Variants in JAK2 observed in about 807,000 individuals in gnomAD.
JAK2 encodes Janus kinase 2.
JAK2 carries 86 observed loss-of-function variants against 139.3 expected under a neutral mutation model. That is an observed-to-expected ratio of 0.62 (90% CI 0.52 to 0.74). The LOEUF (loss-of-function observed/expected upper bound fraction) is 0.74. Among genes scored for constraint, JAK2 ranks in the 30% least tolerant of loss-of-function variants. The pLI is 0.00. For missense variants in JAK2, 1,421 were observed against 1,360.3 expected, an observed-to-expected ratio of 1.04 and a Z score of -0.70; for synonymous variants, 490 against 437.7, an observed-to-expected ratio of 1.12 and a Z score of -1.49.
intron 4 of JAK2, among the ~76,000 whole-genome samples, chr9:5,040,781 T>TG (rs1816429476): frequency 6.6e-6 from 1 of 152,312 alleles, no homozygotes; most frequent in East Asian, 1.9e-4. Context: ...GCCCTTAACA[T>TG]GCGGTGGCTG....
At chr9:5,034,857 G>C (rs887569798) in intron 4 of JAK2, among the ~76,000 whole-genome samples, 1 of 152,144 alleles carries the variant, frequency 6.6e-6, no homozygotes, top group African/African-American at 2.4e-5. Flanking sequence ...ACATTCAAAA[G>C]CTAGCAGAAG....
chr9:5,017,049 G>C (rs1007106943), intron 2 of JAK2, among the ~76,000 whole-genome samples: 4 of 152,204 alleles, frequency 2.6e-5, no homozygotes, highest in African/African-American at 9.7e-5. Flanking sequence ...TGCTGCTAAT[G>C]CAAACAAGTT....
At chr9:5,008,981 G>A (rs1306981119) in intron 2 of JAK2, among the ~76,000 whole-genome samples, 1 of 152,032 alleles carries the variant, frequency 6.6e-6, no homozygotes, top group African/African-American at 2.4e-5. Flanking sequence ...CAAATTATGA[G>A]TTTGATCCTT....
chr9:5,025,573 G>A (rs975973339), intron 3 of JAK2, among the ~76,000 whole-genome samples: 1 of 136,714 alleles, frequency 7.3e-6, no homozygotes, highest in African/African-American at 2.8e-5. Flanking sequence ...TTGCTCTGTT[G>A]CCCAGGCTGG....
chr9:5,044,399 G>T lies in JAK2; in HGVS notation c.351-4G>T. ...GCTGACCAAATGTTTTTATTATCTT[G>T]TAGATTTTACTTTCCTCGTTGGTAT... is the stretch of plus-strand genomic sequence containing the variant. On this transcript the variant is annotated splice_polypyrimidine_tract_variant and splice_region_variant and intron_variant, in intron 4 of 24. Transcript: ENST00000381652. The T allele has an allele frequency of 6.3e-7, 1 of 1,586,194 alleles. No homozygotes were observed. Among genetic ancestry groups the T allele is most frequent in the Non-Finnish European group, 8.7e-7 (1 of 1,155,448 alleles).
At chr9:5,021,558 T>A (rs1219045786) in intron 2 of JAK2, among the ~76,000 whole-genome samples, 9 of 152,264 alleles carry the variant, frequency 5.9e-5, no homozygotes, top group Admixed American at 5.9e-4. Context: ...GCCATTGCTG[T>A]CAAGGAGCAG....
At chr9:5,119,247 A>G (rs1823434340) in intron 22 of JAK2, among the ~76,000 whole-genome samples, 1 of 152,098 alleles carries the variant, frequency 6.6e-6, no homozygotes, top group Non-Finnish European at 1.5e-5. Context: ...TAAATATATT[A>G]ATAATATGTG....
chr9:5,036,548 A>G (rs1002828502), intron 4 of JAK2, among the ~76,000 whole-genome samples: 1 of 152,336 alleles, frequency 6.6e-6, no homozygotes, highest in African/African-American at 2.4e-5. Context: ...AATGGAAAGA[A>G]ATAATGCTAC....
intron 4 of JAK2, among the ~76,000 whole-genome samples, chr9:5,036,753 A>C (rs1220361369): frequency 6.6e-6 from 1 of 152,234 alleles, no homozygotes; most frequent in African/African-American, 2.4e-5. Context: ...TAAAACCATA[A>C]AAACCCTAGA....
intron 22 of JAK2, chr9:5,101,086 A>G (rs1586795361): frequency 6.6e-6 from 1 of 152,344 alleles, no homozygotes; most frequent in South Asian, 2.1e-4. Flanking sequence ...GCATCACCTC[A>G]CCCAGGAAGC....
rs375196120 is a variant in JAK2, at chr9:5,080,472, A to G, written c.2284-61A>G. On this transcript the variant is annotated intron_variant, in intron 17 of 24. Transcript: ENST00000381652. ...TGTATTTTTTAGCCCATCTAATTTT[A>G]AAAAGAAGGTTGGTGTGGCATTACA... 5.8e-6 allele frequency: 9 copies of G among 1,539,142 alleles called. No individual in the cohort carries two copies. The East Asian group carries it at 9.1e-5, about 16-fold the overall frequency.
chr9:5,015,003 T>C (rs1821950235), intron 2 of JAK2, among the ~76,000 whole-genome samples: 1 of 152,184 alleles, frequency 6.6e-6, no homozygotes, highest in African/African-American at 2.4e-5. Flanking sequence ...GTTTTGCTTG[T>C]TTTTGAAATT....
intron 3 of JAK2, among the ~76,000 whole-genome samples, chr9:5,026,011 CTT>C: frequency 6.6e-6 from 1 of 152,216 alleles, no homozygotes; most frequent in East Asian, 1.9e-4. Context: ...ATCTGTGCCT[CTT>C]TTTTTCTTAT....
At chr9:5,038,942 G>A (rs1257991406) in intron 4 of JAK2, among the ~76,000 whole-genome samples, 1 of 151,980 alleles carries the variant, frequency 6.6e-6, no homozygotes, top group Admixed American at 6.6e-5. Context: ...AAAAGTATTT[G>A]ATAAAATCCA....
rs925878120 is a variant in JAK2 at position 5,044,504 on chromosome 9, C to T, written c.452C>T (p.Ser151Phe). Residue 151 changes from serine (S) to phenylalanine (F), a missense_variant, in exon 5 of 25, where the codon TCT becomes TTT. Transcript: ENST00000381652. ...CCTCTTCTTGATGACTTTGTCATGTCTTACCTCTTTGCTCAGGTATGATTA... is the reference window on the plus strand; with the variant it reads ...CCTCTTCTTGATGACTTTGTCATGTTTTACCTCTTTGCTCAGGTATGATTA... ...EAPLLDDFVM[S>F]YLFAQWRHDF... 6.3e-7 allele frequency: 1 copy of T among 1,597,650 alleles called. No individual in the cohort carries two copies. Among genetic ancestry groups the T allele is most frequent in the African/African-American group, 1.3e-5 (1 of 74,576 alleles).
chr9:5,041,577 G>C (rs557033142), intron 4 of JAK2: 3 of 510,024 alleles, frequency 5.9e-6, no homozygotes, highest in Admixed American at 4.7e-5. Flanking sequence ...CCTGCACTAC[G>C]TGCGGCGCCT....
At chr9:5,061,172 G>C (rs770482126) in intron 8 of JAK2, among the ~76,000 whole-genome samples, 1 of 152,178 alleles carries the variant, frequency 6.6e-6, no homozygotes, top group Non-Finnish European at 1.5e-5. Context: ...AGCATAATTC[G>C]CAGAGCCCTG....
intron 8 of JAK2, among the ~76,000 whole-genome samples, chr9:5,062,252 T>G (rs956931085): frequency 2.0e-5 from 3 of 152,140 alleles, no homozygotes; most frequent in Admixed American, 6.5e-5. Context: ...AACTTGAATA[T>G]GTTCAGATTT....
At chr9:5,078,943 T>A (rs1031076347) in intron 16 of JAK2, among the ~76,000 whole-genome samples, 8 of 152,242 alleles carry the variant, frequency 5.3e-5, no homozygotes, top group Non-Finnish European at 1.0e-4. Flanking sequence ...AATACAAATT[T>A]CAGTCAGATA....
Sources: gnomAD v4.1 joint callset for allele counts (sites outside exome capture counted in the v4.1 genomes callset) on GRCh38, gnomAD v4.1.1 for gene constraint, MANE v1.5 for transcripts, NCBI Gene and HGNC (gene_info 2026-07-23, HGNC 2026-07-21) for gene names.